Variants in FBXW8 observed in about 807,000 individuals in gnomAD.
FBXW8 encodes F-box and WD repeat domain containing 8, also known as F-box/WD repeat-containing protein 8.
In FBXW8, 57 loss-of-function variants were observed where a neutral mutation model predicts 65.3. That is an observed-to-expected ratio of 0.87 (90% CI 0.71 to 1.09). The LOEUF (loss-of-function observed/expected upper bound fraction) is 1.09, where lower values mean the gene tolerates loss of function less well. Ranked by LOEUF, FBXW8 falls within the 50% of genes least tolerant of loss-of-function variation. The pLI is 0.00. For synonymous variants in FBXW8, 308 were observed against 330.2 expected, an observed-to-expected ratio of 0.93 and a Z score of 0.73; for missense variants, 777 against 814.8, an observed-to-expected ratio of 0.95 and a Z score of 0.57.
chr12:117,006,718 T>C (rs1953684648), intron 7 of FBXW8, among the ~76,000 whole-genome samples: 1 of 152,216 alleles, frequency 6.6e-6, no homozygotes, highest in Non-Finnish European at 1.5e-5. Context: ...AGAGGTGGGC[T>C]CTGTCAGCTG....
intron 5 of FBXW8, among the ~76,000 whole-genome samples, chr12:116,967,217 T>G (rs1884382951): frequency 6.6e-6 from 1 of 152,048 alleles, no homozygotes; most frequent in African/African-American, 2.4e-5. Flanking sequence ...GTGTTCACAC[T>G]TACAGGGTAA....
intron 7 of FBXW8, among the ~76,000 whole-genome samples, chr12:117,000,372 ATACT>A (rs1458713851): frequency 2.0e-5 from 3 of 152,250 alleles, no homozygotes; most frequent in East Asian, 1.9e-4. Context: ...TAGCTGAGTA[ATACT>A]TACCACTGTC....
chr12:116,973,581 C>G (rs1884758102), intron 5 of FBXW8, among the ~76,000 whole-genome samples: 1 of 152,216 alleles, frequency 6.6e-6, no homozygotes, highest in African/African-American at 2.4e-5. Flanking sequence ...AGTGCACAGC[C>G]TGATCTAATC....
chr12:116,967,603 T>C (rs1884404070), intron 5 of FBXW8, among the ~76,000 whole-genome samples: 1 of 152,252 alleles, frequency 6.6e-6, no homozygotes, highest in African/African-American at 2.4e-5. Flanking sequence ...GTGGACATCT[T>C]TTCTTTGTGT....
chr12:116,932,052 G>T (rs1351173510), intron 2 of FBXW8, among the ~76,000 whole-genome samples: 1 of 151,994 alleles, frequency 6.6e-6, no homozygotes, highest in Non-Finnish European at 1.5e-5. Context: ...TATCATGAAA[G>T]GATCTTGAAT....
At chr12:116,938,418 C>T (rs905948156) in intron 2 of FBXW8, among the ~76,000 whole-genome samples, 2 of 152,072 alleles carry the variant, frequency 1.3e-5, no homozygotes, top group Non-Finnish European at 2.9e-5. Context: ...AGCACTGTGA[C>T]CCGGGGTTAG....
chr12:117,023,502 CCA>C (rs1277470911), intron 8 of FBXW8, among the ~76,000 whole-genome samples: 3 of 151,990 alleles, frequency 2.0e-5, no homozygotes, highest in African/African-American at 7.3e-5. Flanking sequence ...GTGAAAAATT[CCA>C]CATACATAAA....
chr12:116,966,349 A>G (rs747284950), intron 5 of FBXW8, among the ~76,000 whole-genome samples: 102 of 152,176 alleles, frequency 6.7e-4, no homozygotes, highest in Non-Finnish European at 1.1e-3. Flanking sequence ...AGGATCATCT[A>G]ATAGCCTTTC....
At chr12:116,973,518 C>T (rs932273968) in intron 5 of FBXW8, among the ~76,000 whole-genome samples, 1 of 152,206 alleles carries the variant, frequency 6.6e-6, no homozygotes, top group African/African-American at 2.4e-5. Flanking sequence ...CCATGTGACA[C>T]GATGCAGTGA....
At chr12:116,950,885 C>T (rs903488119) in intron 4 of FBXW8, 3 of 152,176 alleles carry the variant, frequency 2.0e-5, no homozygotes, top group Non-Finnish European at 4.4e-5. Flanking sequence ...GGTGTGAACT[C>T]CGGAAGGTAC....
Position 116,970,450 on chromosome 12 carries a change from C to T in FBXW8, c.835+5596C>T, listed in dbSNP as rs565025898. On this transcript the variant is annotated intron_variant, in intron 5 of 10. Coordinates refer to ENST00000652555, the MANE Select transcript of FBXW8 (RefSeq NM_153348.3). Reference sequence around the variant, plus strand: ...TGTCCGGGACTGTGGCTGCCCTGGGCGGAGGTGACTATGATTTCTCATTTA... The same window carrying T: ...TGTCCGGGACTGTGGCTGCCCTGGGTGGAGGTGACTATGATTTCTCATTTA... Among the ~76,000 whole-genome samples the T allele has an allele frequency of 2.6e-5, 4 of 152,174 alleles. No homozygotes were observed. In the South Asian group the frequency reaches 8.3e-4, roughly 32 times the overall value.
In FBXW8 at chr12:117,019,017, G is replaced by C. The variant is rs549590051; in HGVS notation, c.1368-5130G>C. 4.6e-5 allele frequency among the ~76,000 whole-genome samples: 7 copies of C among 152,234 alleles called. No individual in the cohort carries two copies. In the South Asian group the frequency reaches 1.5e-3, roughly 32 times the overall value. ...CAATCCTTTTCAAGTTCCCATTATG[G>C]ACTAAGGTTAGAGTTCTCTTTACAG... On this transcript the variant is annotated intron_variant, in intron 8 of 10. Coordinates refer to ENST00000652555, the MANE Select transcript of FBXW8 (RefSeq NM_153348.3).
intron 7 of FBXW8, chr12:117,002,875 T>A (rs1447627620): frequency 6.6e-6 from 1 of 152,238 alleles, no homozygotes; most frequent in African/African-American, 2.4e-5. Context: ...ATAGAGACTG[T>A]TCACCTAGCT....
intron 2 of FBXW8, among the ~76,000 whole-genome samples, chr12:116,942,168 A>G (rs1167141941): frequency 2.0e-5 from 3 of 151,698 alleles, no homozygotes; most frequent in Admixed American, 6.6e-5. Context: ...AGCTGGGACT[A>G]CAGGCACACA....
chr12:117,028,239 A>C lies in FBXW8; in HGVS notation c.*67A>C. ...CCAGTTTTATCCATCTTAAAACGCC[A>C]GGCACCTCTTCACAGGTGGTAAACA... On this transcript the variant is annotated 3_prime_UTR_variant, in exon 11 of 11. Transcript: ENST00000652555. This position sits in a 1 kb window ranked among gnomAD's most constrained non-coding sequence, Gnocchi z 4.1. The C allele has an allele frequency of 6.3e-7, 1 of 1,582,682 alleles. No individual in the cohort carries two copies. Among genetic ancestry groups the C allele is most frequent in the Non-Finnish European group, 8.6e-7 (1 of 1,161,226 alleles).
At chr12:116,915,675 T>TA (rs57829718) in intron 1 of FBXW8, among the ~76,000 whole-genome samples, 7,012 of 134,362 alleles carry the variant, frequency 0.052, 640 homozygotes, top group African/African-American at 0.18. Flanking sequence ...TTTTGGGAGA[T>TA]AGAGTCTTAC....
chr12:116,949,587 TCTAAACTGCATCCCCCTTTTC>T lies in FBXW8; in HGVS notation c.589-28_589-8del. 6.2e-7 allele frequency: 1 copy of T among 1,609,622 alleles called. No individual in the cohort carries two copies. The highest frequency in any genetic ancestry group is 8.5e-7 in the Non-Finnish European group (1 of 1,175,850). ...GGCTTTCGGGCTGTCCCGAGAGCAGTCTAAACTGCATCCCCCTTTTCCTCACGCAGAATCGCAAAGGTGCCG... is the reference window on the plus strand; with the variant it reads ...GGCTTTCGGGCTGTCCCGAGAGCAGTCTCACGCAGAATCGCAAAGGTGCCG... On this transcript the variant is annotated splice_polypyrimidine_tract_variant and intron_variant, in intron 3 of 10. Coordinates refer to ENST00000652555, the MANE Select transcript of FBXW8 (RefSeq NM_153348.3).
intron 7 of FBXW8, among the ~76,000 whole-genome samples, chr12:116,999,530 G>T (rs1445020568): frequency 6.6e-6 from 1 of 152,154 alleles, no homozygotes; most frequent in African/African-American, 2.4e-5. Context: ...CCCTCCCCGA[G>T]CGCATTTCCC....
intron 5 of FBXW8, among the ~76,000 whole-genome samples, chr12:116,983,872 C>T (rs954481300): frequency 6.6e-6 from 1 of 152,196 alleles, no homozygotes; most frequent in Non-Finnish European, 1.5e-5. Flanking sequence ...GCCTCACAGT[C>T]CTATGTAGTA....
Sources: allele counts gnomAD v4.1 joint callset (sites outside exome capture counted in the v4.1 genomes callset), GRCh38; gene constraint gnomAD v4.1.1; non-coding constraint Gnocchi (gnomAD v3.1); transcripts MANE v1.5; gene names NCBI Gene and HGNC (gene_info 2026-07-23, HGNC 2026-07-21).